CYTH1: variants seen among roughly 807,000 people sequenced by gnomAD.
CYTH1 encodes the protein cytohesin 1.
A neutral mutation model predicts 61.8 loss-of-function variants in CYTH1; 18 were observed. The observed-to-expected ratio is 0.29, with a 90% CI of 0.20 to 0.43. The LOEUF (loss-of-function observed/expected upper bound fraction) is 0.43, where lower values mean the gene tolerates loss of function less well. Among genes scored for constraint, CYTH1 ranks in the 20% least tolerant of loss-of-function variants. The probability of loss-of-function intolerance (pLI) is 1.00; values close to 1 mark genes in which losing one functional copy is unlikely to be tolerated. For synonymous variants in CYTH1, 174 were observed against 184.3 expected (o/e 0.94, Z 0.45); for missense variants, 336 against 510.5 (o/e 0.66, Z 3.29).
At chr17:78,754,251 T>TA (rs994480180) in intron 1 of CYTH1, among the ~76,000 whole-genome samples, 13 of 152,332 alleles carry the variant, frequency 8.5e-5, no homozygotes, top group Admixed American at 7.2e-4. Context: ...CAAACCCTCT[T>TA]ACGCAGATTT....
At chr17:78,684,911 A>T (rs1448610510) in intron 11 of CYTH1, among the ~76,000 whole-genome samples, 3 of 152,202 alleles carry the variant, frequency 2.0e-5, no homozygotes, top group African/African-American at 7.2e-5. Context: ...GAAAACATTA[A>T]GAGGTCTGAC....
At chr17:78,733,702 A>G (rs1384366) in intron 1 of CYTH1, among the ~76,000 whole-genome samples, 82,154 of 152,208 alleles carry the variant, frequency 0.54, 22,294 homozygotes, top group East Asian at 0.6. Flanking sequence ...AGAGGGGCCA[A>G]CCTGTGAGCC....
At chr17:78,764,889 C>G (rs1042625194) in intron 1 of CYTH1, among the ~76,000 whole-genome samples, 5 of 151,916 alleles carry the variant, frequency 3.3e-5, no homozygotes, top group African/African-American at 9.7e-5. Flanking sequence ...AGAAGACTGA[C>G]CATGCGTAAT....
chr17:78,731,492 GT>G (rs1303532576), intron 1 of CYTH1, among the ~76,000 whole-genome samples: 2 of 152,126 alleles, frequency 1.3e-5, no homozygotes, highest in African/African-American at 4.8e-5. Flanking sequence ...GGGCGCGGTG[GT>G]TCACGCCTGT....
intron 12 of CYTH1, 52 bp downstream of exon 12, chr17:78,680,919 T>C (rs1347687240): frequency 6.4e-7 from 1 of 1,572,578 alleles, no homozygotes; most frequent in East Asian, 2.2e-5. Flanking sequence ...AAAAAATCTT[T>C]GAAATGCCCA....
chr17:78,756,430 A>AT (rs1382167132), intron 1 of CYTH1, among the ~76,000 whole-genome samples: 5 of 152,054 alleles, frequency 3.3e-5, no homozygotes, highest in East Asian at 1.9e-4. Context: ...TACCTCAATA[A>AT]TTTTTTTAAA....
intron 1 of CYTH1, among the ~76,000 whole-genome samples, chr17:78,750,842 T>C (rs189117340): frequency 3.9e-5 from 6 of 151,914 alleles, no homozygotes; most frequent in Admixed American, 1.3e-4. Context: ...TAACACTGAA[T>C]TGGAAAAGAC....
chr17:78,748,135 C>T (rs1327350843), intron 1 of CYTH1, among the ~76,000 whole-genome samples: 1 of 152,200 alleles, frequency 6.6e-6, no homozygotes, highest in East Asian at 1.9e-4. Flanking sequence ...CACTGTCCGC[C>T]ACTGCACCCC....
intron 12 of CYTH1, among the ~76,000 whole-genome samples, chr17:78,680,769 T>A (rs561889735): frequency 3.9e-5 from 6 of 152,304 alleles, no homozygotes; most frequent in African/African-American, 1.2e-4. Context: ...TGACATTCAC[T>A]AAGTGAAACG....
intron 1 of CYTH1, among the ~76,000 whole-genome samples, chr17:78,763,920 G>A (rs2144727175): frequency 6.6e-6 from 1 of 152,218 alleles, no homozygotes. Context: ...AGACCAGTCT[G>A]GCCAACATGG....
chr17:78,685,940 T>C (rs2092812146), intron 11 of CYTH1, among the ~76,000 whole-genome samples: 1 of 152,212 alleles, frequency 6.6e-6, no homozygotes, highest in Non-Finnish European at 1.5e-5. Context: ...GACACTTGGC[T>C]CCAAGTTCAA....
rs192488515 is a variant in CYTH1 at position 78,700,814 on chromosome 17, G to A, written c.438-371C>T. On this transcript the variant is annotated intron_variant, in intron 6 of 13. Transcript: ENST00000446868. This position sits in a 1 kb window ranked among gnomAD's most constrained non-coding sequence, Gnocchi z 5.1. Reference sequence around the variant, plus strand: ...TGCTGGGAGTACAGGTGTGAGCCACGGTGCCTGACCACTGCCAATGATTTT... The same window carrying A: ...TGCTGGGAGTACAGGTGTGAGCCACAGTGCCTGACCACTGCCAATGATTTT... Among the ~76,000 whole-genome samples the A allele has an allele frequency of 1.3e-5, 2 of 152,104 alleles. No individual in the cohort carries two copies. Among genetic ancestry groups the A allele is most frequent in the East Asian group, 1.9e-4 (1 of 5,154 alleles).
chr17:78,702,291 A>T, intron 4 of CYTH1, 51 bp from the exon 5 acceptor site: 1 of 1,467,096 alleles, frequency 6.8e-7, no homozygotes, highest in East Asian at 2.3e-5. Flanking sequence ...GAAACAGTTG[A>T]AAAGAAGGGG....
chr17:78,716,321 C>T (rs1024479706), intron 1 of CYTH1, among the ~76,000 whole-genome samples: 2 of 152,062 alleles, frequency 1.3e-5, no homozygotes, highest in South Asian at 4.1e-4. Context: ...CTTTAAAATA[C>T]ATATATATAT....
intron 9 of CYTH1, among the ~76,000 whole-genome samples, chr17:78,697,867 G>A (rs1475829880): frequency 1.3e-5 from 2 of 152,216 alleles, no homozygotes; most frequent in African/African-American, 4.8e-5. Context: ...TCAGGGAACT[G>A]CCTTGAAACA....
intron 3 of CYTH1, among the ~76,000 whole-genome samples, chr17:78,703,445 G>T: frequency 6.6e-6 from 1 of 150,966 alleles, no homozygotes. Flanking sequence ...ACTTTATCAG[G>T]GTATAATTTA....
chr17:78,741,931 G>C (rs749010762), intron 1 of CYTH1, among the ~76,000 whole-genome samples: 1 of 152,148 alleles, frequency 6.6e-6, no homozygotes, highest in Non-Finnish European at 1.5e-5. Context: ...GTCAGGAAAA[G>C]GAATTTGGAA....
In CYTH1 at chr17:78,725,030, C is replaced by T. The variant is rs192333910; in HGVS notation, c.23-15298G>A. Among the ~76,000 whole-genome samples, 651 of 152,102 alleles carry T rather than the reference C, an allele frequency of 4.3e-3. 3 individuals carry two copies. The highest frequency in any genetic ancestry group is 0.015 in the African/African-American group (619 of 41,540). ...AAAATGTATATTGAGAGTCCCAGTG[C>T]AACACGTCCCTGGGCCCCTGTCTTC... is the stretch of plus-strand genomic sequence containing the variant. On this transcript the variant is annotated intron_variant, in intron 1 of 13. Coordinates refer to ENST00000446868, the MANE Select transcript of CYTH1 (RefSeq NM_004762.6).
At chr17:78,693,062 A>G (rs977936911) in intron 10 of CYTH1, among the ~76,000 whole-genome samples, 1 of 152,158 alleles carries the variant, frequency 6.6e-6, no homozygotes, top group Non-Finnish European at 1.5e-5. Flanking sequence ...GAGCTTCTAC[A>G]CTGGCTCTTA....
Sources: gnomAD v4.1 joint callset for allele counts (sites outside exome capture counted in the v4.1 genomes callset) on GRCh38, gnomAD v4.1.1 for gene constraint, Gnocchi (gnomAD v3.1) non-coding constraint, MANE v1.5 for transcripts, NCBI Gene and HGNC (gene_info 2026-07-23, HGNC 2026-07-21) for gene names.